Variants in PGM1 observed in about 807,000 individuals in gnomAD.
The protein encoded by PGM1 is phosphoglucomutase-1.
PGM1 carries 52 observed loss-of-function variants against 55.6 expected under a neutral mutation model. The ratio of observed to expected loss-of-function variants is 0.94; its 90% CI spans 0.75 to 1.18. PGM1 has a LOEUF of 1.18. PGM1 is among the 50% of genes most tolerant of loss of function. The pLI, the probability that PGM1 is intolerant of heterozygous loss-of-function variation, is 0.00. For missense variants in PGM1, 724 were observed against 729.3 expected (o/e 0.99, Z 0.08); for synonymous variants, 287 against 271.7 (o/e 1.06, Z -0.55).
chr1:63,658,488 C>T (rs566484437), intron 10 of PGM1, among the ~76,000 whole-genome samples: 15 of 151,470 alleles, frequency 9.9e-5, no homozygotes, highest in African/African-American at 2.9e-4. Flanking sequence ...TGCGGTGGCT[C>T]ACGCCTGTAA....
intron 1 of PGM1, among the ~76,000 whole-genome samples, chr1:63,617,341 C>T (rs750874976): frequency 2.6e-5 from 4 of 152,046 alleles, no homozygotes; most frequent in Non-Finnish European, 4.4e-5. Flanking sequence ...AGCAGAAGCC[C>T]AATTAGGGTT....
chr1:63,638,070 G>A (rs767929199), intron 6 of PGM1, among the ~76,000 whole-genome samples: 1 of 152,158 alleles, frequency 6.6e-6, no homozygotes, highest in Non-Finnish European at 1.5e-5. Flanking sequence ...AATAAAAGAC[G>A]TGTTAGAAGG....
At chr1:63,605,371 C>T (rs1288488391) in intron 1 of PGM1, among the ~76,000 whole-genome samples, 2 of 152,108 alleles carry the variant, frequency 1.3e-5, no homozygotes, top group Admixed American at 6.5e-5. Flanking sequence ...AAAGTTCTCA[C>T]CTAGATAGTT....
intron 1 of PGM1, among the ~76,000 whole-genome samples, chr1:63,618,679 G>A (rs566610510): frequency 1.3e-5 from 2 of 152,114 alleles, no homozygotes; most frequent in African/African-American, 4.8e-5. Context: ...GTGATGAGGG[G>A]TTACCTTTCC....
At chr1:63,609,275 A>G (rs991488306) in intron 1 of PGM1, among the ~76,000 whole-genome samples, 1 of 152,238 alleles carries the variant, frequency 6.6e-6, no homozygotes, top group African/African-American at 2.4e-5. Context: ...TGGAATGGTT[A>G]CTGGGCCCAG....
intron 1 of PGM1, among the ~76,000 whole-genome samples, chr1:63,601,958 TC>T (rs1648256256): frequency 6.6e-6 from 1 of 152,220 alleles, no homozygotes; most frequent in Non-Finnish European, 1.5e-5. Context: ...AATTATGTTT[TC>T]ATATTGGAAA....
At chr1:63,646,608 C>T (rs1192845086) in intron 7 of PGM1, among the ~76,000 whole-genome samples, 1 of 152,106 alleles carries the variant, frequency 6.6e-6, no homozygotes, top group East Asian at 1.9e-4. Flanking sequence ...AATTGATGTC[C>T]AGAAGGATTG....
At chr1:63,651,511 C>A in intron 8 of PGM1, 158 bp from the exon 9 acceptor site, 1 of 666,722 alleles carries the variant, frequency 1.5e-6, no homozygotes, top group Non-Finnish European at 2.7e-6. Context: ...CCTGTTCCAT[C>A]CCCAGTGACT....
chr1:63,623,778 ATTG>A, intron 1 of PGM1: 2 of 1,563,444 alleles, frequency 1.3e-6, no homozygotes, highest in Non-Finnish European at 1.8e-6. Context: ...TATGATAAGT[ATTG>A]TTATGTTTCT....
At chr1:63,626,954 G>A (rs1385118689) in intron 1 of PGM1, among the ~76,000 whole-genome samples, 1 of 151,442 alleles carries the variant, frequency 6.6e-6, no homozygotes, top group African/African-American at 2.4e-5. Flanking sequence ...TCATGTAAGT[G>A]GAATCATACA....
At chr1:63,652,789 C>T (rs1413313103) in intron 9 of PGM1, among the ~76,000 whole-genome samples, 1 of 152,222 alleles carries the variant, frequency 6.6e-6, no homozygotes, top group South Asian at 2.1e-4. Context: ...GGATGGGCCA[C>T]AGCAACCCTC....
At chr1:63,597,172 A>G (rs1384017726) in intron 1 of PGM1, among the ~76,000 whole-genome samples, 1 of 150,952 alleles carries the variant, frequency 6.6e-6, no homozygotes. Flanking sequence ...GGAGGGGAAG[A>G]TGAAGGGAGG....
chr1:63,596,777 AT>A lies in PGM1; in HGVS notation c.246+3047del, dbSNP rs1270571401. Among the ~76,000 whole-genome samples the A allele has an allele frequency of 2.0e-5, 3 of 152,024 alleles. No individual in the cohort carries two copies. The East Asian group carries it at 5.8e-4, about 29-fold the overall frequency. Reference sequence around the variant, plus strand: ...AATATATATATTAAATTCTAGTGAAATTTTCCGTTTACATGTCAACGGCCTC... The same window carrying A: ...AATATATATATTAAATTCTAGTGAAATTTCCGTTTACATGTCAACGGCCTC... On this transcript the variant is annotated intron_variant, in intron 1 of 10. Transcript: ENST00000371084.
In PGM1 at chr1:63,648,651, A is replaced by G; in HGVS notation, c.1279A>G (p.Arg427Gly). ...AAAGTATGGCCGGAATTTCTTCACC[A>G]GGTGAGCCACAGCCCAGCTGGGGTA... Reference protein sequence around the residue: ...WQKYGRNFFTRYDYEEVEAEG... With the variant: ...WQKYGRNFFTGYDYEEVEAEG... Residue 427 changes from arginine (R) to glycine (G), a missense_variant and splice_region_variant, in exon 8 of 11, where the codon AGG becomes GGG. Arg to Gly is a moderately radical substitution (Grantham distance 125, BLOSUM62 -2). Coordinates refer to ENST00000371084, the MANE Select transcript of PGM1 (RefSeq NM_002633.3). 1 of 1,613,896 alleles carries G rather than the reference A, an allele frequency of 6.2e-7. No individual in the cohort carries two copies. Among genetic ancestry groups the G allele is most frequent in the Non-Finnish European group, 8.5e-7 (1 of 1,179,952 alleles).
chr1:63,614,343 T>C (rs567710990), intron 1 of PGM1, among the ~76,000 whole-genome samples: 17 of 152,142 alleles, frequency 1.1e-4, no homozygotes, highest in Non-Finnish European at 1.9e-4. Context: ...AGTCTAGGGG[T>C]TCCTAAACTT....
At chr1:63,605,468 G>C (rs1488599635) in intron 1 of PGM1, among the ~76,000 whole-genome samples, 2 of 152,190 alleles carry the variant, frequency 1.3e-5, no homozygotes, top group Non-Finnish European at 2.9e-5. Context: ...CTTGAGACAG[G>C]TGGAAAAGAT....
chr1:63,612,747 G>T (rs895802798), intron 1 of PGM1, among the ~76,000 whole-genome samples: 1 of 152,154 alleles, frequency 6.6e-6, no homozygotes, highest in Non-Finnish European at 1.5e-5. Flanking sequence ...GTTCGTAATT[G>T]TTGCACAAGA....
chr1:63,638,236 G>T (rs574900997), intron 6 of PGM1, among the ~76,000 whole-genome samples: 144 of 152,280 alleles, frequency 9.5e-4, no homozygotes, highest in African/African-American at 3.2e-3. Context: ...ACCTTTGTCT[G>T]ATCACATAAC....
At chr1:63,620,022 G>A (rs539523690) in intron 1 of PGM1, among the ~76,000 whole-genome samples, 8 of 152,300 alleles carry the variant, frequency 5.3e-5, no homozygotes, top group Admixed American at 5.2e-4. Flanking sequence ...GACAATGACC[G>A]ATAATCTACC....
Sources: allele counts gnomAD v4.1 joint callset (sites outside exome capture counted in the v4.1 genomes callset), GRCh38; gene constraint gnomAD v4.1.1; transcripts MANE v1.5; gene names NCBI Gene and HGNC (gene_info 2026-07-23, HGNC 2026-07-21).